Variants in PEPD observed in about 807,000 individuals in gnomAD.
The protein encoded by PEPD is peptidase D.
In PEPD, 53 loss-of-function variants were observed where a neutral mutation model predicts 60.7. That is an observed-to-expected ratio of 0.87 (90% CI 0.70 to 1.10). The LOEUF (loss-of-function observed/expected upper bound fraction) is 1.10. PEPD is among the 50% of genes least tolerant of loss of function. The probability of loss-of-function intolerance (pLI) is 0.00; values close to 1 mark genes in which losing one functional copy is unlikely to be tolerated. For missense variants in PEPD, 711 were observed against 711.9 expected, an observed-to-expected ratio of 1.00 and a Z score of 0.01; for synonymous variants, 267 against 284.1, an observed-to-expected ratio of 0.94 and a Z score of 0.60.
intron 3 of PEPD, among the ~76,000 whole-genome samples, chr19:33,507,468 C>A (rs781762738): frequency 1.3e-5 from 2 of 152,206 alleles, no homozygotes; most frequent in Non-Finnish European, 2.9e-5. Flanking sequence ...CTGCCCACGG[C>A]CCCTGGCGTC....
In PEPD at chr19:33,387,303, CA is replaced by C; in HGVS notation, c.*40del. 1 of 1,611,234 alleles carries C rather than the reference CA, an allele frequency of 6.2e-7. No individual in the cohort carries two copies. Among genetic ancestry groups the C allele is most frequent in the East Asian group, 2.2e-5 (1 of 44,840 alleles). On this transcript the variant is annotated 3_prime_UTR_variant, in exon 15 of 15. Coordinates refer to ENST00000244137, the MANE Select transcript of PEPD (RefSeq NM_000285.4). ...GGCTGCCCATCACGAAAAGAGGTTG[CA>C]AGGCCAGGCCCCCAGGTGCGCTGGG...
chr19:33,398,294 G>A (rs114030681), intron 12 of PEPD, among the ~76,000 whole-genome samples: 3,213 of 152,322 alleles, frequency 0.021, 52 homozygotes, highest in African/African-American at 0.041. Context: ...CTGCTTCGCC[G>A]CTGGGAGGCT....
At chr19:33,487,195 C>T (rs953880220) in intron 6 of PEPD, 7 of 152,304 alleles carry the variant, frequency 4.6e-5, no homozygotes, top group African/African-American at 9.7e-5. Context: ...CTGCCCAGCC[C>T]GGCACAAAAG....
chr19:33,484,776 A>T (rs949038973), intron 6 of PEPD, among the ~76,000 whole-genome samples: 2 of 152,104 alleles, frequency 1.3e-5, no homozygotes, highest in African/African-American at 4.8e-5. Flanking sequence ...ACACACACAC[A>T]CTCAGACACA....
intron 9 of PEPD, among the ~76,000 whole-genome samples, chr19:33,452,600 A>G (rs964531302): frequency 1.3e-5 from 2 of 152,172 alleles, no homozygotes; most frequent in Non-Finnish European, 2.9e-5. Context: ...AGAAAGAAAA[A>G]ACAGCTACAG....
chr19:33,481,017 G>C (rs11878612), intron 6 of PEPD, among the ~76,000 whole-genome samples: 60,053 of 151,690 alleles, frequency 0.4, 12,532 homozygotes, highest in African/African-American at 0.53. Context: ...GACCACAATG[G>C]AATGAAATAA....
At chr19:33,403,148 G>A (rs1263798168) in intron 11 of PEPD, among the ~76,000 whole-genome samples, 1 of 152,222 alleles carries the variant, frequency 6.6e-6, no homozygotes. Context: ...GAGGGGCGCA[G>A]GTGGTGCCCC....
At chr19:33,481,059 T>G (rs1403555562) in intron 6 of PEPD, among the ~76,000 whole-genome samples, 1 of 151,892 alleles carries the variant, frequency 6.6e-6, no homozygotes, top group Non-Finnish European at 1.5e-5. Flanking sequence ...ATAGAAAAAT[T>G]GACAAATATG....
intron 9 of PEPD, among the ~76,000 whole-genome samples, chr19:33,428,820 T>C (rs1426939485): frequency 6.6e-6 from 1 of 152,182 alleles, no homozygotes. Flanking sequence ...TCAGTAAACA[T>C]GTGAAGAAAG....
intron 9 of PEPD, among the ~76,000 whole-genome samples, chr19:33,455,241 T>C (rs190503677): frequency 2.0e-5 from 3 of 152,302 alleles, no homozygotes; most frequent in East Asian, 3.9e-4. Context: ...TAATACATAA[T>C]AGGGAAAATG....
At chr19:33,463,888 G>A in intron 8 of PEPD, 99 bp downstream of exon 8, 2 of 792,498 alleles carry the variant, frequency 2.5e-6, no homozygotes, top group Non-Finnish European at 4.4e-6. Flanking sequence ...TGGCCCTCAG[G>A]GATTAGAGCC....
chr19:33,397,924 T>C (rs777431894), intron 12 of PEPD, among the ~76,000 whole-genome samples: 1 of 152,148 alleles, frequency 6.6e-6, no homozygotes, highest in South Asian at 2.1e-4. Context: ...CTGGACAGAA[T>C]TGGGGCTGCT....
At chr19:33,387,691 G>A (rs1343998755) in intron 14 of PEPD, 199 bp downstream of exon 14, 5 of 774,650 alleles carry the variant, frequency 6.5e-6, no homozygotes, top group South Asian at 6.2e-5. Flanking sequence ...CCCTGGAGCG[G>A]GCAGGGGTTT....
At chr19:33,466,566 G>C (rs1422421736) in intron 7 of PEPD, among the ~76,000 whole-genome samples, 2 of 152,118 alleles carry the variant, frequency 1.3e-5, no homozygotes, top group Non-Finnish European at 2.9e-5. Flanking sequence ...TACAAATCCA[G>C]AATTGGGATG....
At chr19:33,450,177 C>A (rs991469296) in intron 9 of PEPD, among the ~76,000 whole-genome samples, 2 of 152,336 alleles carry the variant, frequency 1.3e-5, no homozygotes, top group Middle Eastern at 3.4e-3. Context: ...CTGAGTTGCT[C>A]GTCCCTCCAG....
intron 9 of PEPD, among the ~76,000 whole-genome samples, chr19:33,443,826 G>T (rs372471011): frequency 9.8e-5 from 15 of 152,368 alleles, no homozygotes; most frequent in African/African-American, 2.9e-4. Flanking sequence ...GGCAGGGAGG[G>T]TGAGAAGAGT....
chr19:33,394,790 G>GA (rs1165933805), intron 12 of PEPD, among the ~76,000 whole-genome samples: 5 of 152,298 alleles, frequency 3.3e-5, no homozygotes, highest in Non-Finnish European at 7.4e-5. Context: ...ATGCCACACT[G>GA]AGAATCACAC....
chr19:33,446,653 C>A (rs1969599830), intron 9 of PEPD, among the ~76,000 whole-genome samples: 1 of 152,252 alleles, frequency 6.6e-6, no homozygotes, highest in African/African-American at 2.4e-5. Context: ...AACTTCGGTC[C>A]CCAGCCTTGA....
chr19:33,391,069 C>T (rs1012436681), intron 13 of PEPD, among the ~76,000 whole-genome samples: 1 of 152,138 alleles, frequency 6.6e-6, no homozygotes, highest in African/African-American at 2.4e-5. Context: ...GCAGACAGCA[C>T]CGCCTCTATG....
Sources: gnomAD v4.1 joint callset for allele counts (sites outside exome capture counted in the v4.1 genomes callset) on GRCh38, gnomAD v4.1.1 for gene constraint, MANE v1.5 for transcripts, NCBI Gene and HGNC (gene_info 2026-07-23, HGNC 2026-07-21) for gene names.